ARHGEF18: variants seen among roughly 807,000 people sequenced by gnomAD.
ARHGEF18 encodes Rho/Rac guanine nucleotide exchange factor 18, also known as rho guanine nucleotide exchange factor 18.
A neutral mutation model predicts 155.7 loss-of-function variants in ARHGEF18; 93 were observed. The observed-to-expected ratio is 0.60, with a 90% CI of 0.50 to 0.71. The LOEUF (loss-of-function observed/expected upper bound fraction) is 0.71. ARHGEF18 is among the 30% of genes least tolerant of loss of function. The pLI is 0.00. For synonymous variants in ARHGEF18, 742 were observed against 753.1 expected (o/e 0.99, Z 0.24); for missense variants, 1,593 against 1,816.1 (o/e 0.88, Z 2.23).
intron 1 of ARHGEF18, among the ~76,000 whole-genome samples, chr19:7,354,652 C>T (rs964221684): frequency 6.6e-6 from 1 of 151,038 alleles, no homozygotes; most frequent in Non-Finnish European, 1.5e-5. Flanking sequence ...GCAATCCCAG[C>T]ACTTTGCGAG....
chr19:7,426,524 A>G (rs976071587), intron 10 of ARHGEF18, among the ~76,000 whole-genome samples: 3 of 151,638 alleles, frequency 2.0e-5, no homozygotes, highest in Non-Finnish European at 4.4e-5. Context: ...CCAAAGAATG[A>G]TGAGAATTTA....
intron 10 of ARHGEF18, among the ~76,000 whole-genome samples, chr19:7,421,617 C>T (rs780219132): frequency 6.6e-6 from 1 of 152,032 alleles, no homozygotes; most frequent in South Asian, 2.1e-4. Context: ...CAAAAATTAG[C>T]CAGGCATGGT....
intron 16 of ARHGEF18, among the ~76,000 whole-genome samples, chr19:7,451,654 A>T (rs977821052): frequency 6.6e-6 from 1 of 151,440 alleles, no homozygotes; most frequent in African/African-American, 2.4e-5. Context: ...GGTTCAAGTG[A>T]TCCTCCCACC....
At position 7,470,739 on chromosome 19, in the gene ARHGEF18, C is replaced by A; in HGVS notation, c.*441C>A. ...CGGCCGGGGCCACGCTCCACAGCCG[C>A]CGCGCGACAGTGGAGCCAAGGGTTA... is the stretch of plus-strand genomic sequence containing the variant. On this transcript the variant is annotated 3_prime_UTR_variant, in exon 29 of 29. Coordinates refer to ENST00000668164, the MANE Select transcript of ARHGEF18 (RefSeq NM_001367823.1). The surrounding 1 kb of genome is among the most constrained non-coding windows in gnomAD (Gnocchi z 5.9). 5.0e-6 allele frequency: 2 copies of A among 400,898 alleles called. No homozygotes were observed. Among genetic ancestry groups the A allele is most frequent in the East Asian group, 7.1e-5 (2 of 28,060 alleles). The allele number at this position is 400,898 out of a possible 1,614,324, so 24.8% of individuals were successfully genotyped here. A position where few individuals can be genotyped will look rare whatever the true frequency, so the allele number is the denominator to read the frequency against.
At chr19:7,464,870 C>T (rs1438248047) in intron 23 of ARHGEF18, among the ~76,000 whole-genome samples, 180 bp downstream of exon 23, 10 of 152,186 alleles carry the variant, frequency 6.6e-5, no homozygotes, top group Non-Finnish European at 1.3e-4. Flanking sequence ...TTTCTTCCTG[C>T]AGCCTCCTGG....
At chr19:7,427,205 G>A (rs1973714872) in intron 10 of ARHGEF18, among the ~76,000 whole-genome samples, 1 of 152,190 alleles carries the variant, frequency 6.6e-6, no homozygotes. Flanking sequence ...AGCCCCCAGT[G>A]AAGAAATGAG....
intron 10 of ARHGEF18, among the ~76,000 whole-genome samples, chr19:7,386,536 T>C (rs1971087312): frequency 6.6e-6 from 1 of 151,908 alleles, no homozygotes; most frequent in African/African-American, 2.4e-5. Flanking sequence ...ATTGGTGACA[T>C]TGGAATCCAG....
intron 1 of ARHGEF18, among the ~76,000 whole-genome samples, chr19:7,359,489 C>A (rs1261287228): frequency 4.8e-5 from 7 of 146,212 alleles, no homozygotes; most frequent in Non-Finnish European, 8.8e-5. Context: ...AGGATTGGGG[C>A]TCAGTCTATG....
intron 10 of ARHGEF18, among the ~76,000 whole-genome samples, chr19:7,401,737 A>G (rs1307566935): frequency 6.6e-6 from 1 of 152,196 alleles, no homozygotes; most frequent in Non-Finnish European, 1.5e-5. Flanking sequence ...GTAGGTTCCT[A>G]AGGCAAATGA....
At chr19:7,415,309 C>T (rs12983155) in intron 10 of ARHGEF18, among the ~76,000 whole-genome samples, 83,555 of 151,474 alleles carry the variant, frequency 0.55, 23,511 homozygotes, top group Middle Eastern at 0.74. Flanking sequence ...CGCAACACCC[C>T]GTGCCAGCGG....
Position 7,440,545 on chromosome 19 carries a change from A to G in ARHGEF18, c.1106+63A>G. 2.0e-6 allele frequency: 3 copies of G among 1,530,054 alleles called. No homozygotes were observed. Among genetic ancestry groups the G allele is most frequent in the South Asian group, 2.4e-5 (2 of 81,706 alleles). The allele number at this position is 1,530,054 out of a possible 1,614,324, so 94.8% of individuals were successfully genotyped here. ...TGGCATTCCCCGGGGAGCTGTTGAC[A>G]GCCTCTTCGGAGGGAGACCCCGACT... On this transcript the variant is annotated intron_variant, in intron 11 of 28. Transcript: ENST00000668164. The surrounding 1 kb of genome is among the most constrained non-coding windows in gnomAD (Gnocchi z 5.4).
At chr19:7,451,922 A>G (rs1212396553) in intron 16 of ARHGEF18, among the ~76,000 whole-genome samples, 1 of 151,530 alleles carries the variant, frequency 6.6e-6, no homozygotes, top group Non-Finnish European at 1.5e-5. Flanking sequence ...GGGATTCACC[A>G]TGTTGATCAG....
At chr19:7,420,182 G>C (rs1973270336) in intron 10 of ARHGEF18, among the ~76,000 whole-genome samples, 1 of 151,820 alleles carries the variant, frequency 6.6e-6, no homozygotes, top group Non-Finnish European at 1.5e-5. Context: ...TTGAACTCCT[G>C]GGCTCAAGTG....
intron 15 of ARHGEF18, among the ~76,000 whole-genome samples, chr19:7,449,069 C>G (rs1975193448): frequency 6.6e-6 from 1 of 152,072 alleles, no homozygotes; most frequent in Non-Finnish European, 1.5e-5. Flanking sequence ...CGCAGTTCCT[C>G]AAAGCCAGGA....
chr19:7,376,274 G>C (rs768383712), intron 4 of ARHGEF18, among the ~76,000 whole-genome samples: 1 of 152,154 alleles, frequency 6.6e-6, no homozygotes, highest in African/African-American at 2.4e-5. Context: ...TCTGACCTGA[G>C]ATCCCAGCTC....
At chr19:7,456,490 G>A in intron 18 of ARHGEF18, 87 bp downstream of exon 18, 1 of 1,237,662 alleles carries the variant, frequency 8.1e-7, no homozygotes, top group Non-Finnish European at 1.2e-6. Flanking sequence ...GCCGAGGTGG[G>A]CAGATCACTT....
rs974107518 is a variant in ARHGEF18 at position 7,464,808 on chromosome 19, G to A, written c.2904+118G>A. The stretch of plus-strand genomic sequence containing the variant: ...TTATTAGCATCGACAAGCATTGTTT[G>A]TTTTGTGGTGAATAACAGTATCTCA... On this transcript the variant is annotated intron_variant, in intron 23 of 28. Transcript: ENST00000668164. 15 of 1,356,008 alleles carry A rather than the reference G, an allele frequency of 1.1e-5. No individual in the cohort carries two copies. In the African/African-American group the frequency reaches 2.0e-4, roughly 18 times the overall value. 84.0% of individuals were successfully genotyped at this position (1,356,008 alleles called of 1,614,324 possible). A position where few individuals can be genotyped will look rare whatever the true frequency, so the allele number is the denominator to read the frequency against.
intron 15 of ARHGEF18, among the ~76,000 whole-genome samples, chr19:7,449,185 C>T (rs572779942): frequency 6.6e-6 from 1 of 152,176 alleles, no homozygotes; most frequent in Non-Finnish European, 1.5e-5. Context: ...CAAATGCATA[C>T]AAGAGCAGCG....
intron 10 of ARHGEF18, among the ~76,000 whole-genome samples, chr19:7,418,355 C>T (rs1331967090): frequency 2.0e-5 from 3 of 152,090 alleles, no homozygotes; most frequent in South Asian, 2.1e-4. Flanking sequence ...AACTCCTGGG[C>T]GCAAGCGATC....
Sources: allele counts gnomAD v4.1 joint callset (sites outside exome capture counted in the v4.1 genomes callset), GRCh38; gene constraint gnomAD v4.1.1; non-coding constraint Gnocchi (gnomAD v3.1); transcripts MANE v1.5; gene names NCBI Gene and HGNC (gene_info 2026-07-23, HGNC 2026-07-21).